DTNA: variants seen among roughly 807,000 people sequenced by gnomAD.
DTNA encodes the protein dystrobrevin alpha.
In DTNA, 43 loss-of-function variants were observed where a neutral mutation model predicts 100.7. The observed-to-expected ratio is 0.43, with a 90% CI of 0.33 to 0.55. The LOEUF (loss-of-function observed/expected upper bound fraction) is 0.55. DTNA is among the 20% of genes least tolerant of loss of function. The pLI, the probability that DTNA is intolerant of heterozygous loss-of-function variation, is 0.04. For synonymous variants in DTNA, 349 were observed against 347.9 expected (o/e 1.00, Z -0.04); for missense variants, 798 against 953.9 (o/e 0.84, Z 2.15).
chr18:34,678,104 T>A (rs532507669), intron 1 of DTNA, among the ~76,000 whole-genome samples: 70 of 152,156 alleles, frequency 4.6e-4, no homozygotes, highest in Non-Finnish European at 9.6e-4. Context: ...AAGAACAGCA[T>A]GGGGATAACA....
At chr18:34,808,961 C>T (rs1453053519) in intron 5 of DTNA, among the ~76,000 whole-genome samples, 1 of 152,144 alleles carries the variant, frequency 6.6e-6, no homozygotes, top group Non-Finnish European at 1.5e-5. Flanking sequence ...CCTTATGTGT[C>T]CCTGGTTCTC....
At chr18:34,781,809 T>A (rs963186567) in intron 3 of DTNA, among the ~76,000 whole-genome samples, 2 of 152,214 alleles carry the variant, frequency 1.3e-5, no homozygotes, top group East Asian at 3.8e-4. Context: ...GTAAAAGTAA[T>A]GCAGTTGCTA....
At chr18:34,736,106 AC>A (rs1198771593) in intron 1 of DTNA, among the ~76,000 whole-genome samples, 2 of 152,200 alleles carry the variant, frequency 1.3e-5, no homozygotes, top group Non-Finnish European at 2.9e-5. Flanking sequence ...AATGCCCTCC[AC>A]GTGAAGAGCT....
At chr18:34,550,768 A>G (rs911084854) in intron 1 of DTNA, among the ~76,000 whole-genome samples, 2 of 152,204 alleles carry the variant, frequency 1.3e-5, no homozygotes, top group East Asian at 1.9e-4. Context: ...TCTAAGAGAC[A>G]GTAGAACTCC....
At chr18:34,815,117 A>T (rs1424266087) in intron 6 of DTNA, among the ~76,000 whole-genome samples, 3 of 152,102 alleles carry the variant, frequency 2.0e-5, no homozygotes, top group Non-Finnish European at 2.9e-5. Context: ...AAAATATTTT[A>T]AAAAATAAAT....
chr18:34,846,526 T>C (rs978048896), intron 13 of DTNA, among the ~76,000 whole-genome samples: 1 of 152,172 alleles, frequency 6.6e-6, no homozygotes, highest in Non-Finnish European at 1.5e-5. Context: ...AGGAATGTTC[T>C]AGTTATTTAT....
intron 1 of DTNA, among the ~76,000 whole-genome samples, chr18:34,676,360 A>G (rs983592232): frequency 6.6e-6 from 1 of 152,150 alleles, no homozygotes; most frequent in Non-Finnish European, 1.5e-5. Context: ...CTTTTATGGT[A>G]CTCTGTGGTA....
intron 1 of DTNA, among the ~76,000 whole-genome samples, chr18:34,500,703 A>G (rs1226300477): frequency 6.6e-6 from 1 of 151,832 alleles, no homozygotes; most frequent in Non-Finnish European, 1.5e-5. Flanking sequence ...ACCTCAGGTG[A>G]TCCACCTGTA....
intron 6 of DTNA, among the ~76,000 whole-genome samples, chr18:34,813,507 G>T (rs1367853884): frequency 6.6e-6 from 1 of 150,744 alleles, no homozygotes; most frequent in Non-Finnish European, 1.5e-5. Context: ...TCACTACACA[G>T]CTTTATGGAT....
chr18:34,575,770 G>A (rs117619506), intron 1 of DTNA, among the ~76,000 whole-genome samples: 2,209 of 152,262 alleles, frequency 0.015, 32 homozygotes, highest in Non-Finnish European at 0.023. Flanking sequence ...TAGCCTTTGT[G>A]TAACATCAAC....
chr18:34,674,315 T>C (rs1326797502), intron 1 of DTNA, among the ~76,000 whole-genome samples: 1 of 152,160 alleles, frequency 6.6e-6, no homozygotes, highest in African/African-American at 2.4e-5. Flanking sequence ...AGAAATAAGC[T>C]ATGCCCTTAA....
Position 34,556,635 on chromosome 18 carries a change from A to G in DTNA, c.-2+63121A>G, listed in dbSNP as rs1176867062. On this transcript the variant is annotated intron_variant, in intron 1 of 19. Coordinates refer to the DTNA transcript ENST00000283365. ...TATTTCTCCTTCACTTATGAAGCTT[A>G]GTTTGGCTGGATATGAAATTCTGGG... is the stretch of plus-strand genomic sequence containing the variant. 2.6e-5 allele frequency among the ~76,000 whole-genome samples: 4 copies of G among 151,906 alleles called. No homozygotes were observed. In the East Asian group the frequency reaches 7.8e-4, roughly 29 times the overall value.
At chr18:34,634,181 G>A (rs1026157431) in intron 1 of DTNA, among the ~76,000 whole-genome samples, 1 of 152,030 alleles carries the variant, frequency 6.6e-6, no homozygotes, top group African/African-American at 2.4e-5. Flanking sequence ...ACGTTTTCTC[G>A]AAAGCATTTA....
intron 13 of DTNA, among the ~76,000 whole-genome samples, chr18:34,846,171 C>T (rs2096374116): frequency 6.6e-6 from 1 of 151,958 alleles, no homozygotes. Context: ...CAGGTCCCAC[C>T]CTCCCAACCT....
chr18:34,699,122 T>A (rs2081019507), intron 1 of DTNA, among the ~76,000 whole-genome samples: 1 of 151,654 alleles, frequency 6.6e-6, no homozygotes, highest in South Asian at 2.1e-4. Context: ...TTAGTCAGGG[T>A]TGTCCAGAGA....
At chr18:34,880,758 G>A (rs1196714549) in intron 20 of DTNA, among the ~76,000 whole-genome samples, 1 of 152,126 alleles carries the variant, frequency 6.6e-6, no homozygotes, top group Admixed American at 6.5e-5. Flanking sequence ...GCAGAGAGTA[G>A]GATCAAAACA....
intron 4 of DTNA, among the ~76,000 whole-genome samples, chr18:34,798,412 T>C (rs927103631): frequency 3.3e-5 from 5 of 151,666 alleles, no homozygotes; most frequent in Non-Finnish European, 5.9e-5. Flanking sequence ...TTACTTCTGC[T>C]CCACAGAAAA....
chr18:34,650,829 T>G (rs950374014), intron 1 of DTNA, among the ~76,000 whole-genome samples: 4 of 152,236 alleles, frequency 2.6e-5, no homozygotes, highest in African/African-American at 9.6e-5. Context: ...TTCTTTTTAC[T>G]GTCAGATTAA....
intron 1 of DTNA, among the ~76,000 whole-genome samples, chr18:34,611,115 G>A (rs1004542624): frequency 2.6e-5 from 4 of 152,106 alleles, no homozygotes; most frequent in African/African-American, 9.7e-5. Context: ...TCTATAAAAT[G>A]CATACAACAT....
Sources: gnomAD v4.1 joint callset for allele counts (sites outside exome capture counted in the v4.1 genomes callset) on GRCh38, gnomAD v4.1.1 for gene constraint, MANE v1.5 for transcripts, NCBI Gene and HGNC (gene_info 2026-07-23, HGNC 2026-07-21) for gene names.